TSPAN3: variants seen among roughly 807,000 people sequenced by gnomAD.
TSPAN3 encodes tetraspanin 3.
Under a neutral mutation model 31.1 loss-of-function variants are expected in TSPAN3, and 9 were observed. The observed-to-expected ratio is 0.29, with a 90% CI of 0.17 to 0.50. The LOEUF is 0.50. Among genes scored for constraint, TSPAN3 ranks in the 20% least tolerant of loss-of-function variants. TSPAN3 has a pLI of 0.98. For missense variants in TSPAN3, 252 were observed against 313.5 expected (o/e 0.80, Z 1.48); for synonymous variants, 129 against 114.3 (o/e 1.13, Z -0.82).
rs576500357 is a variant in TSPAN3, at chr15:77,043,966, T to C, written c.*2869A>G. The stretch of plus-strand genomic sequence containing the variant: ...ACGCACACACATTTGAGAACACACA[T>C]GACAGATAGAATGGGACGAAATGTT... On this transcript the variant is annotated 3_prime_UTR_variant, in exon 7 of 7. Transcript: ENST00000267970. The C allele has an allele frequency of 6.6e-5, 10 of 152,286 alleles. No homozygotes were observed. Among genetic ancestry groups the C allele is most frequent in the African/African-American group, 2.4e-4 (10 of 41,508 alleles). The allele number at this position is 152,286 out of a possible 1,614,324, so 9.4% of individuals were successfully genotyped here. A position where few individuals can be genotyped will look rare whatever the true frequency, so the allele number is the denominator to read the frequency against.
At chr15:77,068,944 T>C (rs941235407) in intron 1 of TSPAN3, among the ~76,000 whole-genome samples, 3 of 152,224 alleles carry the variant, frequency 2.0e-5, no homozygotes, top group Non-Finnish European at 4.4e-5. Flanking sequence ...CTGCAGTGAA[T>C]ATATGCGTGC....
At chr15:77,052,650 T>A in intron 5 of TSPAN3, 127 bp downstream of exon 5, 4 of 1,155,954 alleles carry the variant, frequency 3.5e-6, no homozygotes, top group Non-Finnish European at 3.7e-6. Flanking sequence ...TTTATAATAA[T>A]TTACAGTAAA....
intron 1 of TSPAN3, among the ~76,000 whole-genome samples, chr15:77,065,726 G>T (rs2076828783): frequency 6.6e-6 from 1 of 152,200 alleles, no homozygotes; most frequent in African/African-American, 2.4e-5. Flanking sequence ...TATTTTTAAA[G>T]GCAGGATAAG....
At chr15:77,065,545 G>C (rs916707662) in intron 1 of TSPAN3, among the ~76,000 whole-genome samples, 24 of 152,048 alleles carry the variant, frequency 1.6e-4, no homozygotes, top group Non-Finnish European at 2.8e-4. Flanking sequence ...TCCTGCCTCA[G>C]CCTCCCGAGT....
At position 77,046,067 on chromosome 15, in the gene TSPAN3, A is replaced by G; in HGVS notation, c.*768T>C. 1 of 205,754 alleles carries G rather than the reference A, an allele frequency of 4.9e-6. No homozygotes were observed. The highest frequency in any genetic ancestry group is 9.7e-6 in the Non-Finnish European group (1 of 103,498). The allele number at this position is 205,754 out of a possible 1,614,324, so 12.7% of individuals were successfully genotyped here. A position where few individuals can be genotyped will look rare whatever the true frequency, so the allele number is the denominator to read the frequency against. On this transcript the variant is annotated 3_prime_UTR_variant, in exon 7 of 7. Transcript: ENST00000267970. Reference sequence around the variant, plus strand: ...AGAGTTTATTGAATTAGATTTTTCTATTTACAACTGAGATCACATCTACAT... The same window carrying G: ...AGAGTTTATTGAATTAGATTTTTCTGTTTACAACTGAGATCACATCTACAT...
chr15:77,048,807 A>C (rs1031341972), intron 6 of TSPAN3, among the ~76,000 whole-genome samples: 13 of 152,220 alleles, frequency 8.5e-5, no homozygotes, highest in African/African-American at 3.1e-4. Flanking sequence ...AAATTGAAAA[A>C]AATGACTAGT....
intron 1 of TSPAN3, 72 bp downstream of exon 1, chr15:77,070,820 C>T (rs1298128833): frequency 4.3e-5 from 41 of 949,616 alleles, no homozygotes; most frequent in Middle Eastern, 5.0e-4. Flanking sequence ...CAAGCCCGGC[C>T]CCCACGGGCG....
intron 6 of TSPAN3, among the ~76,000 whole-genome samples, chr15:77,052,177 C>T (rs559002172): frequency 6.6e-6 from 1 of 152,344 alleles, no homozygotes; most frequent in African/African-American, 2.4e-5. Context: ...GGTCCCTCCC[C>T]ATCCAGATTT....
chr15:77,053,717 G>A (rs985487207), intron 4 of TSPAN3, among the ~76,000 whole-genome samples: 1 of 152,104 alleles, frequency 6.6e-6, no homozygotes, highest in Admixed American at 6.5e-5. Context: ...GGCAAGGTCG[G>A]GGTGCAAACA....
chr15:77,048,959 T>C (rs1412913045), intron 6 of TSPAN3, among the ~76,000 whole-genome samples: 1 of 152,198 alleles, frequency 6.6e-6, no homozygotes, highest in African/African-American at 2.4e-5. Context: ...AAATTGGAAA[T>C]ACCTATCAAA....
In TSPAN3 at chr15:77,041,613, G is replaced by C. The variant is rs567815128; in HGVS notation, c.*5222C>G. The C allele has an allele frequency of 6.6e-6, 1 of 152,058 alleles. No homozygotes were observed. Among genetic ancestry groups the C allele is most frequent in the African/African-American group, 2.4e-5 (1 of 41,382 alleles). The allele number at this position is 152,058 out of a possible 1,614,324, so 9.4% of individuals were successfully genotyped here. On this transcript the variant is annotated 3_prime_UTR_variant, in exon 7 of 7. Transcript: ENST00000267970. The stretch of plus-strand genomic sequence containing the variant: ...TTGGCCAGGCTGGTTTTGAACTCCT[G>C]ATCTCAAGTGACCCACCTGTCTCGA...
chr15:77,061,332 G>A lies in TSPAN3; in HGVS notation c.64-5077C>T, dbSNP rs1264139033. ...CATCTGAGGTCATGAATTCGAGACC[G>A]GCCTGACCAACATGCAGAAACCCCG... On this transcript the variant is annotated intron_variant, in intron 1 of 6. Coordinates refer to ENST00000267970, the MANE Select transcript of TSPAN3 (RefSeq NM_005724.6). Among the ~76,000 whole-genome samples the A allele has an allele frequency of 2.6e-5, 4 of 152,120 alleles. No individual in the cohort carries two copies. The East Asian group carries it at 7.7e-4, about 29-fold the overall frequency.
chr15:77,056,274 G>A lies in TSPAN3; in HGVS notation c.64-19C>T. 6.4e-7 allele frequency: 1 copy of A among 1,567,574 alleles called. No individual in the cohort carries two copies. The highest frequency in any genetic ancestry group is 8.6e-7 in the Non-Finnish European group (1 of 1,161,208). ...CTGCCCCCTGTAGAAAACAAAGTCA[G>A]TACTGGTCTCTAAGCACTGCTGGTA... On this transcript the variant is annotated intron_variant, in intron 1 of 6. Coordinates refer to ENST00000267970, the MANE Select transcript of TSPAN3 (RefSeq NM_005724.6).
chr15:77,045,860 G>A lies in TSPAN3; in HGVS notation c.*975C>T, dbSNP rs2076687639. The A allele has an allele frequency of 6.6e-6, 1 of 152,176 alleles. No homozygotes were observed. The highest frequency in any genetic ancestry group is 2.1e-4 in the South Asian group (1 of 4,828). 9.4% of individuals were successfully genotyped at this position (152,176 alleles called of 1,614,324 possible). A position where few individuals can be genotyped will look rare whatever the true frequency, so the allele number is the denominator to read the frequency against. On this transcript the variant is annotated 3_prime_UTR_variant, in exon 7 of 7. Transcript: ENST00000267970. ...GAGCTCTATATTTCTAGGATATACT[G>A]GACTGAAAGCATCTGTGGTTTTTTG...
rs1194596440 is a variant in TSPAN3, at chr15:77,044,523, A to T, written c.*2312T>A. The T allele has an allele frequency of 2.0e-5, 3 of 152,186 alleles. No individual in the cohort carries two copies. The highest frequency in any genetic ancestry group is 4.4e-5 in the Non-Finnish European group (3 of 68,050). 9.4% of individuals were successfully genotyped at this position (152,186 alleles called of 1,614,324 possible). On this transcript the variant is annotated 3_prime_UTR_variant, in exon 7 of 7. Coordinates refer to ENST00000267970, the MANE Select transcript of TSPAN3 (RefSeq NM_005724.6). ...GCTGGAATGGTTTCCCAGACCTCAG[A>T]GCTACCTCCCCACCTCCATCTTTTT...
intron 1 of TSPAN3, among the ~76,000 whole-genome samples, chr15:77,067,136 G>A (rs116048698): frequency 0.017 from 2,638 of 152,060 alleles, 84 homozygotes; most frequent in African/African-American, 0.06. Flanking sequence ...CTCTCAATAC[G>A]GCCACATTGG....
intron 1 of TSPAN3, chr15:77,067,792 G>A (rs1477290964): frequency 1.3e-5 from 2 of 152,172 alleles, no homozygotes; most frequent in East Asian, 3.8e-4. Context: ...TTCTGGTACA[G>A]TTTCTAATTT....
intron 6 of TSPAN3, 79 bp from the exon 7 acceptor site, chr15:77,047,006 G>A (rs2076696985): frequency 8.3e-7 from 1 of 1,198,320 alleles, no homozygotes; most frequent in Non-Finnish European, 1.2e-6. Flanking sequence ...GTTGGTAAAA[G>A]AGCTGTTTCA....
At chr15:77,055,667 T>C (rs2076764119) in intron 3 of TSPAN3, 122 bp downstream of exon 3, 1 of 748,238 alleles carries the variant, frequency 1.3e-6, no homozygotes, top group East Asian at 2.6e-5. Context: ...ATATTTGAAA[T>C]ACAGATTAAA....
Sources: gnomAD v4.1 joint callset for allele counts (sites outside exome capture counted in the v4.1 genomes callset) on GRCh38, gnomAD v4.1.1 for gene constraint, MANE v1.5 for transcripts, NCBI Gene and HGNC (gene_info 2026-07-23, HGNC 2026-07-21) for gene names.